ARHGAP18: variants seen among roughly 807,000 people sequenced by gnomAD.
The protein encoded by ARHGAP18 is rho GTPase-activating protein 18.
In ARHGAP18, 67 loss-of-function variants were observed where a neutral mutation model predicts 86.2. The observed-to-expected ratio is 0.78, with a 90% CI of 0.64 to 0.95. The LOEUF (loss-of-function observed/expected upper bound fraction) is 0.95. ARHGAP18 is among the 40% of genes least tolerant of loss of function. The probability of loss-of-function intolerance (pLI) is 0.00; values close to 1 mark genes in which losing one functional copy is unlikely to be tolerated. For missense variants in ARHGAP18, 691 were observed against 780.4 expected (o/e 0.89, Z 1.37); for synonymous variants, 283 against 280.4 (o/e 1.01, Z -0.09).
intron 10 of ARHGAP18, among the ~76,000 whole-genome samples, chr6:129,605,309 G>A (rs555817911): frequency 4.7e-4 from 72 of 152,202 alleles, no homozygotes; most frequent in African/African-American, 1.6e-3. Flanking sequence ...ACTTCAAAAT[G>A]GTGATATAAA....
At chr6:129,627,539 C>T (rs781560766) in intron 5 of ARHGAP18, among the ~76,000 whole-genome samples, 171 of 151,830 alleles carry the variant, frequency 1.1e-3, no homozygotes, top group Non-Finnish European at 2.2e-3. Flanking sequence ...TTAAACTACA[C>T]CAGGGGAATA....
intron 10 of ARHGAP18, 134 bp downstream of exon 10, chr6:129,605,743 C>G (rs781747363): frequency 1.3e-6 from 1 of 764,742 alleles, no homozygotes; most frequent in Non-Finnish European, 2.2e-6. Context: ...ACCCTCTGTC[C>G]TTAAAAGTAG....
At chr6:129,688,084 C>A (rs1774462906) in intron 1 of ARHGAP18, among the ~76,000 whole-genome samples, 1 of 152,198 alleles carries the variant, frequency 6.6e-6, no homozygotes, top group African/African-American at 2.4e-5. Context: ...AATCCCAATT[C>A]TTCAGTCAAG....
intron 1 of ARHGAP18, among the ~76,000 whole-genome samples, chr6:129,679,648 C>A (rs1774292262): frequency 6.6e-6 from 1 of 152,192 alleles, no homozygotes; most frequent in Non-Finnish European, 1.5e-5. Flanking sequence ...GCTGATATTA[C>A]ATGTAAGTAA....
At chr6:129,678,379 C>A (rs993271029) in intron 1 of ARHGAP18, among the ~76,000 whole-genome samples, 3 of 152,302 alleles carry the variant, frequency 2.0e-5, no homozygotes, top group South Asian at 2.1e-4. Context: ...GCTGTACAGG[C>A]AAAAATATTG....
chr6:129,643,357 G>A (rs1327137418), intron 1 of ARHGAP18, among the ~76,000 whole-genome samples: 2 of 152,266 alleles, frequency 1.3e-5, no homozygotes, highest in South Asian at 2.1e-4. Flanking sequence ...TAGTGAGTGA[G>A]TTGTCATGAG....
At chr6:129,704,100 C>T (rs1202805900) in intron 1 of ARHGAP18, among the ~76,000 whole-genome samples, 1 of 141,914 alleles carries the variant, frequency 7.0e-6, no homozygotes, top group Non-Finnish European at 1.5e-5. Context: ...CTAATCAAGA[C>T]AGCCAGCCAT....
chr6:129,622,787 G>C (rs1040914821), intron 5 of ARHGAP18, among the ~76,000 whole-genome samples: 1 of 151,928 alleles, frequency 6.6e-6, no homozygotes, highest in Non-Finnish European at 1.5e-5. Context: ...GATCACCTAA[G>C]GTCAGGAGTT....
At chr6:129,669,464 G>A (rs1275649970) in intron 1 of ARHGAP18, among the ~76,000 whole-genome samples, 1 of 144,686 alleles carries the variant, frequency 6.9e-6, no homozygotes, top group African/African-American at 2.5e-5. Context: ...GAGCCACCGC[G>A]CCCGGCCCTA....
intron 5 of ARHGAP18, among the ~76,000 whole-genome samples, chr6:129,621,977 A>T (rs756102593): frequency 2.6e-5 from 4 of 152,170 alleles, no homozygotes; most frequent in Non-Finnish European, 5.9e-5. Flanking sequence ...CCCATCCACC[A>T]GAGTAGGCAG....
chr6:129,658,286 T>C (rs1773880215), intron 1 of ARHGAP18, among the ~76,000 whole-genome samples: 1 of 152,226 alleles, frequency 6.6e-6, no homozygotes. Context: ...AGGACCTCTC[T>C]GGGTCCCAAC....
At chr6:129,627,329 C>T (rs1789500423) in intron 5 of ARHGAP18, among the ~76,000 whole-genome samples, 1 of 151,910 alleles carries the variant, frequency 6.6e-6, no homozygotes, top group Non-Finnish European at 1.5e-5. Flanking sequence ...AATTTTGTAA[C>T]CGTTAATAAA....
At chr6:129,614,585 C>A (rs1384788412) in intron 7 of ARHGAP18, among the ~76,000 whole-genome samples, 2 of 151,930 alleles carry the variant, frequency 1.3e-5, no homozygotes, top group Non-Finnish European at 2.9e-5. Context: ...TCTTAATAGA[C>A]TGGATGCAAT....
chr6:129,616,650 C>T (rs914850423), intron 6 of ARHGAP18, among the ~76,000 whole-genome samples: 1 of 152,164 alleles, frequency 6.6e-6, no homozygotes, highest in Non-Finnish European at 1.5e-5. Context: ...AAAATTCTTA[C>T]TTAAAAGCAA....
At chr6:129,669,429 C>T (rs887247779) in intron 1 of ARHGAP18, among the ~76,000 whole-genome samples, 1 of 151,316 alleles carries the variant, frequency 6.6e-6, no homozygotes, top group African/African-American at 2.4e-5. Flanking sequence ...ACCTCGGCTT[C>T]CCAAAGTGCT....
chr6:129,597,831 A>C (rs184622430), intron 12 of ARHGAP18, among the ~76,000 whole-genome samples: 5 of 152,376 alleles, frequency 3.3e-5, no homozygotes, highest in African/African-American at 1.2e-4. Context: ...TAAATAGTAC[A>C]GAGATCATTC....
chr6:129,582,100 G>A (rs1445383790), intron 13 of ARHGAP18, among the ~76,000 whole-genome samples: 1 of 151,980 alleles, frequency 6.6e-6, no homozygotes, highest in Non-Finnish European at 1.5e-5. Flanking sequence ...GAGGTAAATG[G>A]AGAAGTTTAC....
In ARHGAP18 at chr6:129,607,953, G is replaced by A. The variant is rs759590664; in HGVS notation, c.1222C>T (p.Arg408Trp). ...DAASLLKLFI[R>W]ELPQPLLSVE... ...CTGAGCAGTGGCTGGGGCAACTCCC[G>A]AATGAAGAGCTTCAGCAGGCTGGCG... is the stretch of plus-strand genomic sequence containing the variant. The change falls in exon 9 of 15, where the codon CGG becomes TGG. Residue 408 changes from arginine (R) to tryptophan (W), a missense_variant. By Grantham distance (101) the Arg-to-Trp change is moderately radical. Coordinates refer to ENST00000368149, the MANE Select transcript of ARHGAP18 (RefSeq NM_033515.3). 10 of 1,611,346 alleles carry A rather than the reference G, an allele frequency of 6.2e-6. No individual in the cohort carries two copies. Among genetic ancestry groups the A allele is most frequent in the Admixed American group, 3.4e-5 (2 of 59,698 alleles).
intron 1 of ARHGAP18, 87 bp downstream of exon 1, chr6:129,709,937 C>A: frequency 9.4e-7 from 1 of 1,062,126 alleles, no homozygotes; most frequent in Non-Finnish European, 1.4e-6. Context: ...AGATGGAATT[C>A]CCTTCTCCCC....
Sources: allele counts gnomAD v4.1 joint callset (sites outside exome capture counted in the v4.1 genomes callset), GRCh38; gene constraint gnomAD v4.1.1; transcripts MANE v1.5; gene names NCBI Gene and HGNC (gene_info 2026-07-23, HGNC 2026-07-21).